Variants in NSMCE2 observed in about 807,000 individuals in gnomAD.
NSMCE2 encodes E3 SUMO-protein ligase NSE2.
Under a neutral mutation model 23.8 loss-of-function variants are expected in NSMCE2, and 24 were observed. The ratio of observed to expected loss-of-function variants is 1.01; its 90% confidence interval spans 0.73 to 1.42. The LOEUF is 1.42. Among genes scored for constraint, NSMCE2 ranks in the 40% most tolerant of loss-of-function variants. The probability of loss-of-function intolerance (pLI) is 0.00; values close to 1 mark genes in which losing one functional copy is unlikely to be tolerated. For missense variants in NSMCE2, 284 were observed against 296.5 expected (o/e 0.96, Z 0.31); for synonymous variants, 92 against 94.1 (o/e 0.98, Z 0.13).
At chr8:125,315,230 T>C (rs1018341165) in intron 5 of NSMCE2, among the ~76,000 whole-genome samples, 5 of 152,080 alleles carry the variant, frequency 3.3e-5, no homozygotes, top group African/African-American at 1.2e-4. Context: ...AGGCCCCAAG[T>C]ACCAAACAGA....
At chr8:125,120,134 G>A (rs192871928) in intron 3 of NSMCE2, among the ~76,000 whole-genome samples, 190 of 152,220 alleles carry the variant, frequency 1.2e-3, no homozygotes, top group African/African-American at 4.3e-3. Context: ...GAATCTTACA[G>A]TACATGTCAA....
chr8:125,231,095 A>T (rs1264172593), intron 5 of NSMCE2, among the ~76,000 whole-genome samples: 1 of 152,220 alleles, frequency 6.6e-6, no homozygotes, highest in Admixed American at 6.5e-5. Flanking sequence ...TTTATTTTAC[A>T]GAATTTTTGA....
intron 5 of NSMCE2, among the ~76,000 whole-genome samples, chr8:125,316,575 T>C (rs1278257715): frequency 3.3e-5 from 5 of 152,120 alleles, no homozygotes; most frequent in African/African-American, 1.2e-4. Flanking sequence ...TCCTTCTTTC[T>C]TTCTTTCTTT....
chr8:125,156,445 G>A (rs558933059), intron 4 of NSMCE2, among the ~76,000 whole-genome samples: 147 of 151,896 alleles, frequency 9.7e-4, no homozygotes, highest in African/African-American at 3.3e-3. Flanking sequence ...CATTTATATT[G>A]GATTACAGCT....
intron 3 of NSMCE2, among the ~76,000 whole-genome samples, chr8:125,112,278 C>A (rs1338466818): frequency 6.6e-6 from 1 of 152,176 alleles, no homozygotes; most frequent in African/African-American, 2.4e-5. Flanking sequence ...AAAAGGGAAA[C>A]CCTTGTGTAT....
chr8:125,266,029 C>T (rs7846609), intron 5 of NSMCE2, among the ~76,000 whole-genome samples: 2 of 151,766 alleles, frequency 1.3e-5, no homozygotes, highest in African/African-American at 4.8e-5. Flanking sequence ...TCCTGTGACC[C>T]GAATAAAGAA....
intron 5 of NSMCE2, among the ~76,000 whole-genome samples, chr8:125,295,301 G>A (rs1248533619): frequency 6.6e-6 from 1 of 152,162 alleles, no homozygotes. Context: ...ACAGGGCTTG[G>A]AAGGTGACAG....
chr8:125,189,391 C>T (rs1823246868), intron 5 of NSMCE2, among the ~76,000 whole-genome samples: 1 of 152,160 alleles, frequency 6.6e-6, no homozygotes, highest in South Asian at 2.1e-4. Flanking sequence ...TAGGTAAGTG[C>T]AACGAAGAAC....
intron 5 of NSMCE2, among the ~76,000 whole-genome samples, chr8:125,185,301 T>A (rs546001773): frequency 1.6e-3 from 247 of 151,154 alleles, no homozygotes; most frequent in Middle Eastern, 6.8e-3. Context: ...CATTACATTT[T>A]AAATTTTTTT....
At chr8:125,314,897 A>G (rs748529315) in intron 5 of NSMCE2, among the ~76,000 whole-genome samples, 2 of 152,214 alleles carry the variant, frequency 1.3e-5, no homozygotes, top group East Asian at 3.8e-4. Flanking sequence ...CAGAGAAGTA[A>G]ACAAAGCGAG....
At position 125,210,650 on chromosome 8, in the gene NSMCE2, G is replaced by A. The variant is rs551370240; in HGVS notation, c.418+28394G>A. On this transcript the variant is annotated intron_variant, in intron 5 of 7. Coordinates refer to ENST00000287437, the MANE Select transcript of NSMCE2 (RefSeq NM_173685.4). The stretch of plus-strand genomic sequence containing the variant: ...CATTTTGTTCCTTTTTTTTCTCACC[G>A]ATCTGGCCTCAAGGGTGCCTTCCCA... 9.2e-5 allele frequency among the ~76,000 whole-genome samples: 14 copies of A among 151,800 alleles called. No homozygotes were observed. The East Asian group carries it at 9.7e-4, about 10-fold the overall frequency.
chr8:125,279,341 A>G (rs1312581076), intron 5 of NSMCE2, among the ~76,000 whole-genome samples: 2 of 152,196 alleles, frequency 1.3e-5, no homozygotes, highest in African/African-American at 2.4e-5. Flanking sequence ...TTTCCATGCC[A>G]CTCAGAAAAG....
chr8:125,150,413 C>CT (rs1820931525), intron 3 of NSMCE2, among the ~76,000 whole-genome samples: 1 of 98,450 alleles, frequency 1.0e-5, no homozygotes, highest in African/African-American at 3.8e-5. Context: ...TTCTTTTTTT[C>CT]TTTTCTTTCT....
rs1244137017 is a variant in NSMCE2, at chr8:125,165,918, C to T, written c.264+14641C>T. ...ATATTAATTATAGAGAAAGCAGTGC[C>T]AGAGAATTTGATAGGCTGCTAGATG... On this transcript the variant is annotated intron_variant, in intron 4 of 7. Coordinates refer to ENST00000287437, the MANE Select transcript of NSMCE2 (RefSeq NM_173685.4). 2.0e-5 allele frequency among the ~76,000 whole-genome samples: 3 copies of T among 152,016 alleles called. No individual in the cohort carries two copies. In the East Asian group the frequency reaches 5.8e-4, roughly 29 times the overall value.
At chr8:125,345,710 G>C (rs1459473071) in intron 5 of NSMCE2, among the ~76,000 whole-genome samples, 1 of 152,250 alleles carries the variant, frequency 6.6e-6, no homozygotes, top group Non-Finnish European at 1.5e-5. Context: ...TAGGTGAAGA[G>C]ATAGCAGCAG....
chr8:125,166,269 T>A (rs1821871916), intron 4 of NSMCE2, among the ~76,000 whole-genome samples: 1 of 152,144 alleles, frequency 6.6e-6, no homozygotes, highest in African/African-American at 2.4e-5. Context: ...GTTTTGTTGT[T>A]GTTGTTGTTT....
At chr8:125,273,898 C>G (rs956879787) in intron 5 of NSMCE2, among the ~76,000 whole-genome samples, 1 of 152,216 alleles carries the variant, frequency 6.6e-6, no homozygotes, top group African/African-American at 2.4e-5. Context: ...TGATCATCTG[C>G]ATACCTCCTG....
intron 5 of NSMCE2, among the ~76,000 whole-genome samples, chr8:125,278,024 A>C (rs1019866354): frequency 2.0e-5 from 3 of 152,188 alleles, no homozygotes; most frequent in Admixed American, 2.0e-4. Context: ...CCTCCAGAAA[A>C]CGAACATACT....
At chr8:125,151,945 C>T (rs1295342482) in intron 4 of NSMCE2, among the ~76,000 whole-genome samples, 1 of 152,132 alleles carries the variant, frequency 6.6e-6, no homozygotes, top group African/African-American at 2.4e-5. Flanking sequence ...ATTTTGTATA[C>T]CTGTGTAATA....
Sources: allele counts gnomAD v4.1 joint callset (sites outside exome capture counted in the v4.1 genomes callset), GRCh38; gene constraint gnomAD v4.1.1; transcripts MANE v1.5; gene names NCBI Gene and HGNC (gene_info 2026-07-23, HGNC 2026-07-21).